The following FRY variants were observed in gnomAD, a reference collection of about 807,000 sequenced individuals.
The protein encoded by FRY is FRY microtubule binding protein, also known as protein furry homolog.
A neutral mutation model predicts 348.4 loss-of-function variants in FRY; 128 were observed. That is an observed-to-expected ratio of 0.37 (90% CI 0.32 to 0.43). The LOEUF (loss-of-function observed/expected upper bound fraction) is 0.43. Ranked by LOEUF, FRY falls within the 20% of genes least tolerant of loss-of-function variation. FRY has a pLI of 1.00. For missense variants in FRY, 2,736 were observed against 3,695.2 expected (o/e 0.74, Z 6.73); for synonymous variants, 1,370 against 1,374.7 (o/e 1.00, Z 0.08).
intron 36 of FRY, among the ~76,000 whole-genome samples, chr13:32,221,589 T>G (rs1353162187): frequency 6.6e-6 from 1 of 152,256 alleles, no homozygotes; most frequent in Non-Finnish European, 1.5e-5. Context: ...CTTGGCTCAC[T>G]GCAGCCTCTA....
chr13:32,245,736 G>A (rs547249973), intron 47 of FRY, among the ~76,000 whole-genome samples: 2 of 152,328 alleles, frequency 1.3e-5, no homozygotes, highest in East Asian at 1.9e-4. Context: ...TGGGAGTAGT[G>A]CAGGGCCACG....
intron 2 of FRY, among the ~76,000 whole-genome samples, chr13:32,100,767 A>G (rs1385137550): frequency 6.6e-6 from 1 of 152,228 alleles, no homozygotes; most frequent in Non-Finnish European, 1.5e-5. Context: ...CAGAAGTCCA[A>G]GATCAAAGCA....
At chr13:32,285,858 T>A (rs751177037) in intron 58 of FRY, among the ~76,000 whole-genome samples, 3 of 152,210 alleles carry the variant, frequency 2.0e-5, no homozygotes, top group Non-Finnish European at 4.4e-5. Flanking sequence ...TATATGACAT[T>A]GTATTTCAGA....
chr13:32,073,823 A>G (rs1007451140), intron 1 of FRY, among the ~76,000 whole-genome samples: 1 of 152,228 alleles, frequency 6.6e-6, no homozygotes, highest in African/African-American at 2.4e-5. Flanking sequence ...CTACGCCACC[A>G]TTAGCCTCTA....
Position 32,100,600 on chromosome 13 carries a change from G to A in FRY, c.271-1363G>A, listed in dbSNP as rs563381972. 1.4e-4 allele frequency among the ~76,000 whole-genome samples: 21 copies of A among 152,150 alleles called. 1 individual carries two copies. The South Asian group carries it at 3.9e-3, about 29-fold the overall frequency. ...CTAATTAACATTTCTATCACATTAC[G>A]TAAATTTTTTTTGTGATGAGAACAT... On this transcript the variant is annotated intron_variant, in intron 2 of 60. Transcript: ENST00000542859.
chr13:32,262,114 A>G (rs778724852), intron 52 of FRY, among the ~76,000 whole-genome samples, 200 bp from the exon 53 acceptor site: 2 of 152,200 alleles, frequency 1.3e-5, no homozygotes, highest in Non-Finnish European at 2.9e-5. Flanking sequence ...CCAGATCTCT[A>G]AAGTGTGGAG....
chr13:32,279,638 C>T (rs181785136), intron 58 of FRY, among the ~76,000 whole-genome samples: 2 of 152,304 alleles, frequency 1.3e-5, no homozygotes, highest in East Asian at 1.9e-4. Context: ...GGTTTTACCT[C>T]GGAATTATGT....
At chr13:32,165,058 T>C (rs1043353929) in intron 17 of FRY, among the ~76,000 whole-genome samples, 2 of 145,766 alleles carry the variant, frequency 1.4e-5, no homozygotes, top group African/African-American at 5.2e-5. Flanking sequence ...ATACATTATG[T>C]TAGGTAAGCT....
intron 8 of FRY, among the ~76,000 whole-genome samples, chr13:32,134,322 C>G (rs1879564754): frequency 6.6e-6 from 1 of 152,184 alleles, no homozygotes; most frequent in Non-Finnish European, 1.5e-5. Flanking sequence ...TTAAGGAACC[C>G]TTCTAAAGGT....
At position 32,298,652 on chromosome 13, in the gene FRY, C is replaced by G. The variant is rs931275700; in HGVS notation, c.*3192C>G. 1.3e-5 allele frequency: 2 copies of G among 152,184 alleles called. No homozygotes were observed. Among genetic ancestry groups the G allele is most frequent in the Non-Finnish European group, 2.9e-5 (2 of 68,038 alleles). The allele number at this position is 152,184 out of a possible 1,614,324, so 9.4% of individuals were successfully genotyped here. ...AGTAATGTGGACAGGGCTATCTTAGCTATCACTCTAATAAGGTGATATCTG... is the reference window on the plus strand; with the variant it reads ...AGTAATGTGGACAGGGCTATCTTAGGTATCACTCTAATAAGGTGATATCTG... On this transcript the variant is annotated 3_prime_UTR_variant, in exon 61 of 61. Coordinates refer to ENST00000542859, the MANE Select transcript of FRY (RefSeq NM_023037.3).
chr13:32,050,683 A>G (rs1873274889), intron 1 of FRY, among the ~76,000 whole-genome samples: 1 of 152,208 alleles, frequency 6.6e-6, no homozygotes, highest in Non-Finnish European at 1.5e-5. Context: ...TATGTGAGGA[A>G]GTTTTAGCAG....
rs1023645483 is a variant in FRY at position 32,195,898 on chromosome 13, T to G, written c.3746+1601T>G. On this transcript the variant is annotated intron_variant, in intron 29 of 60. Transcript: ENST00000542859. ...AATAGCTTGAACCCAACTGTCCAGATAGTGACCAGCATTTCTGCCATTTCT... is the reference window on the plus strand; with the variant it reads ...AATAGCTTGAACCCAACTGTCCAGAGAGTGACCAGCATTTCTGCCATTTCT... Among the ~76,000 whole-genome samples, 3 of 152,206 alleles carry G rather than the reference T, an allele frequency of 2.0e-5. No individual in the cohort carries two copies. In the South Asian group the frequency reaches 6.2e-4, roughly 32 times the overall value.
At chr13:32,177,947 C>T (rs1208704870) in intron 20 of FRY, among the ~76,000 whole-genome samples, 1 of 152,152 alleles carries the variant, frequency 6.6e-6, no homozygotes, top group Non-Finnish European at 1.5e-5. Context: ...CAAAATGTGA[C>T]CCAGGTTCTT....
At chr13:32,193,300 TA>T (rs1403374141) in intron 28 of FRY, among the ~76,000 whole-genome samples, 1 of 151,944 alleles carries the variant, frequency 6.6e-6, no homozygotes, top group East Asian at 1.9e-4. Flanking sequence ...CCAATCCTCA[TA>T]ATCATATTTC....
intron 3 of FRY, among the ~76,000 whole-genome samples, chr13:32,102,432 A>G (rs1441873094): frequency 1.3e-5 from 2 of 152,200 alleles, no homozygotes; most frequent in East Asian, 3.8e-4. Context: ...TTGAAGGCCT[A>G]CTATTTGCTT....
rs34392238 is a variant in FRY, at chr13:32,090,350, CA to C, written c.270+11339del. 8.0e-3 allele frequency among the ~76,000 whole-genome samples: 472 copies of C among 58,802 alleles called. 1 individual carries two copies. The highest frequency in any genetic ancestry group is 0.025 in the African/African-American group (363 of 14,788). 38.6% of individuals were successfully genotyped at this position (58,802 alleles called of 152,430 possible). A position where few individuals can be genotyped will look rare whatever the true frequency, so the allele number is the denominator to read the frequency against. ...TGGGCGACAGAGCTGGACTCCATCTCAAAAAAAAAAAAAAAAAAAAAAGGAA... is the reference window on the plus strand; with the variant it reads ...TGGGCGACAGAGCTGGACTCCATCTCAAAAAAAAAAAAAAAAAAAAAGGAA... On this transcript the variant is annotated intron_variant, in intron 2 of 60. Coordinates refer to ENST00000542859, the MANE Select transcript of FRY (RefSeq NM_023037.3).
At position 32,228,653 on chromosome 13, in the gene FRY, A is replaced by G; in HGVS notation, c.5404A>G (p.Arg1802Gly). 1.2e-6 allele frequency: 2 copies of G among 1,613,870 alleles called. No homozygotes were observed. Among genetic ancestry groups the G allele is most frequent in the Non-Finnish European group, 1.7e-6 (2 of 1,179,744 alleles). ...ANKLIEFLTT[R>G]AFGPLWCHED... ...CAAGCTCATTGAGTTTCTCACGACC[A>G]GGTAATAAGGGGTTAGGAGTCCGCT... The change falls in exon 40 of 61, where the codon AGG becomes GGG. Residue 1802 changes from arginine (R) to glycine (G), a missense_variant and splice_region_variant. Transcript: ENST00000542859.
chr13:32,149,350 AT>A (rs780136134), intron 13 of FRY, among the ~76,000 whole-genome samples: 4 of 152,038 alleles, frequency 2.6e-5, no homozygotes, highest in Non-Finnish European at 5.9e-5. Context: ...ATAGAAAAAA[AT>A]GATCATTTTG....
At position 32,095,389 on chromosome 13, in the gene FRY, C is replaced by T. The variant is rs148497141; in HGVS notation, c.271-6574C>T. ...TTGAGACGGAGTCTCACTCTGTCAC[C>T]CAGGCTGGAGTGCAGTGGCGCAGTC... On this transcript the variant is annotated intron_variant, in intron 2 of 60. Coordinates refer to ENST00000542859, the MANE Select transcript of FRY (RefSeq NM_023037.3). Among the ~76,000 whole-genome samples the T allele has an allele frequency of 5.1e-3, 624 of 122,180 alleles. 5 individuals carry two copies. Among genetic ancestry groups the T allele is most frequent in the African/African-American group, 0.018 (604 of 32,722 alleles). The allele number at this position is 122,180 out of a possible 152,430, so 80.2% of individuals were successfully genotyped here.
Sources: allele counts gnomAD v4.1 joint callset (sites outside exome capture counted in the v4.1 genomes callset), GRCh38; gene constraint gnomAD v4.1.1; transcripts MANE v1.5; gene names NCBI Gene and HGNC (gene_info 2026-07-23, HGNC 2026-07-21).